The following HOOK2 variants were observed in gnomAD, a reference collection of about 807,000 sequenced individuals.
HOOK2 encodes the protein hook microtubule tethering protein 2, also known as protein Hook homolog 2.
In HOOK2, 108 loss-of-function variants were observed where a neutral mutation model predicts 111.9. The ratio of observed to expected loss-of-function variants is 0.96; its 90% CI spans 0.83 to 1.13. HOOK2 has a LOEUF of 1.13. Among genes scored for constraint, HOOK2 ranks in the 50% most tolerant of loss-of-function variants. The pLI, the probability that HOOK2 is intolerant of heterozygous loss-of-function variation, is 0.00. For missense variants in HOOK2, 978 were observed against 951.3 expected, an observed-to-expected ratio of 1.03 and a Z score of -0.37; for synonymous variants, 405 against 394.3, an observed-to-expected ratio of 1.03 and a Z score of -0.32.
chr19:12,785,497 C>T lies in HOOK2; in HGVS notation n.42-11272G>A, dbSNP rs546060693. On this transcript the variant is annotated intron_variant and non_coding_transcript_variant, in intron 3 of 3. Transcript: ENST00000589765. ...CACACACACAAACACACATACACAC[C>T]GACACAAGTTAGCCATAGGAACTTT... 2.0e-4 allele frequency among the ~76,000 whole-genome samples: 31 copies of T among 152,078 alleles called. No individual in the cohort carries two copies. The East Asian group carries it at 2.7e-3, about 13-fold the overall frequency.
chr19:12,767,849 C>G lies in HOOK2; in HGVS notation c.1270G>C (p.Ala424Pro), dbSNP rs756706415. 2 of 1,605,426 alleles carry G rather than the reference C, an allele frequency of 1.2e-6. No individual in the cohort carries two copies. Among genetic ancestry groups the G allele is most frequent in the East Asian group, 4.5e-5 (2 of 44,888 alleles). Residue 424 changes from alanine to proline, a missense_variant, in exon 13 of 23, where the codon GCC becomes CCC. Coordinates refer to ENST00000397668, the MANE Select transcript of HOOK2 (RefSeq NM_013312.3). ...GTCAACCCCCGCGGCTGCAGCTGGG[C>G]GCAGCGCAGCTCCTCATTGGCCTCC... Reference protein sequence around the residue: ...LREANEELRCAQLQPRGLTQA... With the variant: ...LREANEELRCPQLQPRGLTQA...
At position 12,764,909 on chromosome 19, in the gene HOOK2, G is replaced by T; in HGVS notation, c.1732C>A (p.Arg578=). 1 of 1,614,138 alleles carries T rather than the reference G, an allele frequency of 6.2e-7. No homozygotes were observed. Among genetic ancestry groups the T allele is most frequent in the Non-Finnish European group, 8.5e-7 (1 of 1,180,036 alleles). Residue 578 remains arginine (R), a synonymous_variant, in exon 20 of 23, where the codon CGG becomes AGG. Coordinates refer to ENST00000397668, the MANE Select transcript of HOOK2 (RefSeq NM_013312.3). ...AAGTTATGCTGCAGCTCCTCGATCC[G>T]CCGGGCTGCTGGCGGAAGAGGTGGC... ...EPPTDSSTAR[R]IEELQHNLQK...
At chr19:12,785,253 CCACA>C (rs368441982) in intron 3 of HOOK2, among the ~76,000 whole-genome samples, 47 of 151,440 alleles carry the variant, frequency 3.1e-4, no homozygotes, top group Admixed American at 2.9e-3. Context: ...CACACAGAGA[CCACA>C]CACACACACC....
Position 12,770,931 on chromosome 19 carries a change from C to CCGTA in HOOK2, c.899_902dup (p.Gln302ThrfsTer51). 1 of 1,596,742 alleles carries CCGTA rather than the reference C, an allele frequency of 6.3e-7. No individual in the cohort carries two copies. Among genetic ancestry groups the CCGTA allele is most frequent in the Non-Finnish European group, 8.6e-7 (1 of 1,167,554 alleles). ...TGGGGACCCAGGAACCCACCACTCA[C>CCGTA]CGTAGTTCATCCATCTCATCCTTCA... On this transcript the variant is annotated frameshift_variant and splice_region_variant. Transcript: ENST00000397668. LOFTEE classifies it high-confidence loss of function.
chr19:12,765,808 TC>T lies in HOOK2; in HGVS notation c.1605+20del. ...CCCAGGGTGAGGGTAGGGGGTGCCA[TC>T]CTGGGCCCATGGTACTTACAATGGC... On this transcript the variant is annotated intron_variant, in intron 17 of 22. Coordinates refer to ENST00000397668, the MANE Select transcript of HOOK2 (RefSeq NM_013312.3). 1 of 1,613,454 alleles carries T rather than the reference TC, an allele frequency of 6.2e-7. No individual in the cohort carries two copies. Among genetic ancestry groups the T allele is most frequent in the Non-Finnish European group, 8.5e-7 (1 of 1,179,528 alleles).
At chr19:12,777,093 G>T (rs1378810488), upstream of HOOK2, among the ~76,000 whole-genome samples, 1 of 151,264 alleles carries the variant, frequency 6.6e-6, no homozygotes, top group Non-Finnish European at 1.5e-5. Context: ...AGAGGCGGAG[G>T]TTGCAGTGAG....
upstream of HOOK2, among the ~76,000 whole-genome samples, chr19:12,782,406 T>A (rs1429955458): frequency 6.6e-6 from 1 of 152,152 alleles, no homozygotes; most frequent in Non-Finnish European, 1.5e-5. Context: ...TGTGACTTTG[T>A]GTGTAGGGGG....
chr19:12,774,847 G>A lies in HOOK2; in HGVS notation c.96C>T (p.Ser32=). 1 of 1,614,088 alleles carries A rather than the reference G, an allele frequency of 6.2e-7. No individual in the cohort carries two copies. Among genetic ancestry groups the A allele is most frequent in the African/African-American group, 1.3e-5 (1 of 75,028 alleles). The change falls in exon 2 of 23, where the codon AGC becomes AGT. Residue 32 remains serine (S), a synonymous_variant. Coordinates refer to ENST00000397668, the MANE Select transcript of HOOK2 (RefSeq NM_013312.3). ...GCACATAGGCTACGGCAAGGCCGCT[G>A]CTCAGGTCCTGAGGGCTGGCACAGG... is the stretch of plus-strand genomic sequence containing the variant. The part of the protein sequence containing the change: ...PSPCASPQDL[S]SGLAVAYVLN...
intron 11 of HOOK2, 103 bp downstream of exon 11, chr19:12,769,778 G>A: frequency 5.1e-6 from 5 of 971,686 alleles, no homozygotes; most frequent in Non-Finnish European, 5.6e-6. Context: ...CGTGGCCTAC[G>A]TACAAATAAG....
intron 3 of HOOK2, among the ~76,000 whole-genome samples, chr19:12,787,619 GAT>G (rs1968670215): frequency 6.7e-6 from 1 of 149,632 alleles, no homozygotes; most frequent in South Asian, 2.1e-4. Flanking sequence ...GCGACAGAGT[GAT>G]ATTTTGTCTC....
chr19:12,792,168 G>T, intron 3 of HOOK2: 1 of 1,592,130 alleles, frequency 6.3e-7, no homozygotes, highest in East Asian at 2.3e-5. Flanking sequence ...CGAGGAGCAG[G>T]AGGGCTTCGC....
chr19:12,767,699 G>T, intron 13 of HOOK2, 117 bp downstream of exon 13: 1 of 985,416 alleles, frequency 1.0e-6, no homozygotes, highest in Non-Finnish European at 1.5e-6. Context: ...CCTCTTTCTG[G>T]TCACCTCCAG....
rs1334222835 is a variant in HOOK2 at position 12,773,053 on chromosome 19, G to A, written c.205-9C>T. 2 of 1,613,812 alleles carry A rather than the reference G, an allele frequency of 1.2e-6. No homozygotes were observed. The highest frequency in any genetic ancestry group is 1.3e-5 in the African/African-American group (1 of 74,910). ...ATCTTCAGATTGCTGACCTAGGGAGGAACAAGGAACTGTGGACAAGTTCAG... is the reference window on the plus strand; with the variant it reads ...ATCTTCAGATTGCTGACCTAGGGAGAAACAAGGAACTGTGGACAAGTTCAG... On this transcript the variant is annotated splice_polypyrimidine_tract_variant and intron_variant, in intron 3 of 22. Transcript: ENST00000397668.
chr19:12,768,122 A>G lies in HOOK2; in HGVS notation c.1106T>C (p.Val369Ala), dbSNP rs775079383. Residue 369 changes from valine (V) to alanine (A), a missense_variant and splice_region_variant, in exon 12 of 23, where the codon GTG (valine) becomes GCG (alanine). By Grantham distance (64) the Val-to-Ala change is moderately conservative. Coordinates refer to ENST00000397668, the MANE Select transcript of HOOK2 (RefSeq NM_013312.3). ...RAQLEAQRRQ[V>A]QELQGQRQEE... ...CTGCCGCTGGCCCTGCAGTTCCTGC[A>G]CCTGAACACAGAGAGGGGAGGAATA... The G allele has an allele frequency of 1.9e-5, 30 of 1,613,518 alleles. No individual in the cohort carries two copies. Among genetic ancestry groups the G allele is most frequent in the African/African-American group, 2.7e-5 (2 of 74,946 alleles).
In HOOK2 at chr19:12,773,060, G is replaced by A; in HGVS notation, c.205-16C>T. 1 of 1,613,834 alleles carries A rather than the reference G, an allele frequency of 6.2e-7. No homozygotes were observed. The highest frequency in any genetic ancestry group is 8.5e-7 in the Non-Finnish European group (1 of 1,179,866). ...GATTGCTGACCTAGGGAGGAACAAG[G>A]AACTGTGGACAAGTTCAGAGGCCTC... On this transcript the variant is annotated splice_polypyrimidine_tract_variant and intron_variant, in intron 3 of 22. Transcript: ENST00000397668.
intron 11 of HOOK2, among the ~76,000 whole-genome samples, chr19:12,768,498 A>T (rs11878721): frequency 2.0e-5 from 3 of 152,176 alleles, no homozygotes; most frequent in Non-Finnish European, 2.9e-5. Flanking sequence ...CTTTATTATA[A>T]AATAGGCTTT....
Position 12,791,676 on chromosome 19 carries a change from C to CG in HOOK2, n.42-17452_42-17451insC, listed in dbSNP as rs1324019267. ...CCCCCGAGAACGCGCGACCAGGCAC[C>CG]CAGTCCGGTCACCGCAGCGGAGAGC... On this transcript the variant is annotated intron_variant and non_coding_transcript_variant, in intron 3 of 3. Transcript: ENST00000589765. This position sits in a 1 kb window ranked among gnomAD's most constrained non-coding sequence, Gnocchi z 7.0. 3.3e-6 allele frequency: 3 copies of CG among 901,270 alleles called. No homozygotes were observed. Among genetic ancestry groups the CG allele is most frequent in the Non-Finnish European group, 4.8e-6 (3 of 625,670 alleles). 55.8% of individuals were successfully genotyped at this position (901,270 alleles called of 1,614,324 possible). A position where few individuals can be genotyped will look rare whatever the true frequency, so the allele number is the denominator to read the frequency against.
intron 3 of HOOK2, among the ~76,000 whole-genome samples, chr19:12,788,457 ACTGT>A (rs750050217): frequency 2.5e-4 from 38 of 152,112 alleles, no homozygotes; most frequent in Non-Finnish European, 3.4e-4. Context: ...TCTGAGTCTC[ACTGT>A]CTGCGTGACA....
upstream of HOOK2, chr19:12,778,257 G>A (rs1968562882): frequency 6.6e-6 from 1 of 152,216 alleles, no homozygotes; most frequent in Admixed American, 6.5e-5. Flanking sequence ...TGGGCAAAGT[G>A]ACAGCTGCTC....
Sources: allele counts gnomAD v4.1 joint callset (sites outside exome capture counted in the v4.1 genomes callset), GRCh38; gene constraint gnomAD v4.1.1; non-coding constraint Gnocchi (gnomAD v3.1); transcripts MANE v1.5; gene names NCBI Gene and HGNC (gene_info 2026-07-23, HGNC 2026-07-21).